LRRC4C: variants seen among roughly 807,000 people sequenced by gnomAD.
The protein encoded by LRRC4C is leucine rich repeat containing 4C.
A neutral mutation model predicts 33.6 loss-of-function variants in LRRC4C; 5 were observed. The observed-to-expected ratio is 0.15, with a 90% confidence interval of 0.08 to 0.31. The LOEUF (loss-of-function observed/expected upper bound fraction) is 0.31, where lower values mean the gene tolerates loss of function less well. LRRC4C is among the 10% of genes least tolerant of loss of function. The probability of loss-of-function intolerance (pLI) is 1.00; values close to 1 mark genes in which losing one functional copy is unlikely to be tolerated. For missense variants in LRRC4C, 560 were observed against 796.7 expected (o/e 0.70, Z 3.58); for synonymous variants, 329 against 302.0 (o/e 1.09, Z -0.93).
intron 3 of LRRC4C, among the ~76,000 whole-genome samples, chr11:40,379,621 A>G (rs1185403848): frequency 6.6e-6 from 1 of 152,244 alleles, no homozygotes; most frequent in Non-Finnish European, 1.5e-5. Context: ...GTGTATTTTC[A>G]TAATATTTTC....
At chr11:40,712,946 T>G (rs768116288) in intron 2 of LRRC4C, among the ~76,000 whole-genome samples, 1 of 151,954 alleles carries the variant, frequency 6.6e-6, no homozygotes, top group Non-Finnish European at 1.5e-5. Flanking sequence ...TGGAGTGCAG[T>G]GGTGTGATCT....
chr11:40,188,969 T>G (rs1861620950), intron 5 of LRRC4C, among the ~76,000 whole-genome samples: 1 of 152,212 alleles, frequency 6.6e-6, no homozygotes, highest in Admixed American at 6.5e-5. Context: ...TTCAATCTCT[T>G]AAGTGTTCTA....
intron 3 of LRRC4C, among the ~76,000 whole-genome samples, chr11:40,563,311 G>C (rs893170867): frequency 1.1e-4 from 16 of 152,152 alleles, no homozygotes; most frequent in South Asian, 2.1e-4. Flanking sequence ...CTGGCCCAAA[G>C]TCATGGACTC....
At chr11:40,705,398 G>A (rs140114149) in intron 2 of LRRC4C, among the ~76,000 whole-genome samples, 3,631 of 151,684 alleles carry the variant, frequency 0.024, 152 homozygotes, top group African/African-American at 0.083. Context: ...GATGTTCCCC[G>A]CCCTGTGTCC....
At chr11:40,711,277 A>G (rs535663781) in intron 2 of LRRC4C, among the ~76,000 whole-genome samples, 7 of 152,284 alleles carry the variant, frequency 4.6e-5, no homozygotes, top group Admixed American at 3.3e-4. Flanking sequence ...TTCTGCATCA[A>G]TCACACTGGG....
intron 2 of LRRC4C, among the ~76,000 whole-genome samples, chr11:40,705,380 G>C (rs1306831857): frequency 2.0e-5 from 3 of 151,634 alleles, no homozygotes; most frequent in African/African-American, 7.3e-5. Context: ...CGACAGGGCC[G>C]GGTGTGTGAT....
chr11:41,282,576 C>T (rs1180490624), intron 1 of LRRC4C, among the ~76,000 whole-genome samples: 1 of 152,180 alleles, frequency 6.6e-6, no homozygotes, highest in African/African-American at 2.4e-5. Flanking sequence ...AGTCCTCCTC[C>T]TAACAGGCAT....
chr11:41,064,914 C>T (rs1489457858), intron 1 of LRRC4C, among the ~76,000 whole-genome samples: 2 of 152,112 alleles, frequency 1.3e-5, no homozygotes, highest in East Asian at 1.9e-4. Flanking sequence ...TCGCAGTCCG[C>T]GGATCAGAAG....
intron 1 of LRRC4C, among the ~76,000 whole-genome samples, chr11:40,995,845 T>A (rs1484421952): frequency 6.6e-6 from 1 of 152,146 alleles, no homozygotes; most frequent in Non-Finnish European, 1.5e-5. Context: ...CCAGCCTATA[T>A]CTCCAAATTC....
chr11:40,500,287 TATATATACACACAC>T (rs1441636275), intron 3 of LRRC4C, among the ~76,000 whole-genome samples: 1,087 of 71,012 alleles, frequency 0.015, 11 homozygotes, highest in African/African-American at 0.05. Flanking sequence ...TATATATATA[TATATATACACACAC>T]ACACACACAC....
intron 2 of LRRC4C, among the ~76,000 whole-genome samples, chr11:40,840,135 T>A (rs1952850226): frequency 6.6e-6 from 1 of 152,130 alleles, no homozygotes; most frequent in African/African-American, 2.4e-5. Flanking sequence ...GCAGATAGGA[T>A]CCATAACACT....
intron 1 of LRRC4C, among the ~76,000 whole-genome samples, chr11:41,162,281 A>ATGGTG (rs1944507602): frequency 6.6e-6 from 1 of 152,024 alleles, no homozygotes. Flanking sequence ...CTTTATCACC[A>ATGGTG]ATAAAGGCAA....
chr11:40,612,232 C>T (rs879905980), intron 3 of LRRC4C, among the ~76,000 whole-genome samples: 1 of 151,826 alleles, frequency 6.6e-6, no homozygotes, highest in Non-Finnish European at 1.5e-5. Flanking sequence ...ATCTTATCAG[C>T]TGCTACTACA....
At chr11:40,148,727 T>G (rs1335735223) in intron 5 of LRRC4C, among the ~76,000 whole-genome samples, 2 of 152,198 alleles carry the variant, frequency 1.3e-5, no homozygotes, top group Admixed American at 6.5e-5. Context: ...GCAACTGCTT[T>G]TGGTGTCTTC....
chr11:40,529,547 T>C (rs905349292), intron 3 of LRRC4C, among the ~76,000 whole-genome samples: 2 of 152,108 alleles, frequency 1.3e-5, no homozygotes, highest in African/African-American at 4.8e-5. Context: ...CCAGTAGTAT[T>C]GACTGCTGCC....
At chr11:41,239,271 G>T (rs951344606) in intron 1 of LRRC4C, among the ~76,000 whole-genome samples, 2 of 126,758 alleles carry the variant, frequency 1.6e-5, no homozygotes, top group Non-Finnish European at 3.1e-5. Flanking sequence ...GCAGTGAGCC[G>T]AGATTGCACC....
chr11:40,614,927 A>G (rs927383593), intron 3 of LRRC4C, among the ~76,000 whole-genome samples: 2 of 151,578 alleles, frequency 1.3e-5, no homozygotes, highest in Non-Finnish European at 3.0e-5. Flanking sequence ...AGCAACATCT[A>G]AGATAAGTGA....
chr11:40,652,443 C>T (rs1363454292), intron 2 of LRRC4C, among the ~76,000 whole-genome samples: 1 of 152,188 alleles, frequency 6.6e-6, no homozygotes, highest in African/African-American at 2.4e-5. Flanking sequence ...TCTTCTAATT[C>T]TTCAAGTCAC....
At chr11:40,602,764 G>A (rs975751463) in intron 3 of LRRC4C, among the ~76,000 whole-genome samples, 15 of 152,180 alleles carry the variant, frequency 9.9e-5, no homozygotes, top group African/African-American at 2.9e-4. Context: ...AAAATAATCC[G>A]AAACAGCAGG....
Sources: gnomAD v4.1 joint callset for allele counts (sites outside exome capture counted in the v4.1 genomes callset) on GRCh38, gnomAD v4.1.1 for gene constraint, MANE v1.5 for transcripts, NCBI Gene and HGNC (gene_info 2026-07-23, HGNC 2026-07-21) for gene names.